The following MSR1 variants were observed in gnomAD, a reference collection of about 807,000 sequenced individuals.
MSR1 encodes the protein macrophage scavenger receptor 1, also known as macrophage scavenger receptor types I and II.
Under a neutral mutation model 47.2 loss-of-function variants are expected in MSR1, and 53 were observed. The observed-to-expected ratio is 1.12, with a 90% CI of 0.90 to 1.41. The LOEUF is 1.41. MSR1 is among the 40% of genes most tolerant of loss of function. The probability of loss-of-function intolerance (pLI) is 0.00; values close to 1 mark genes in which losing one functional copy is unlikely to be tolerated. For synonymous variants in MSR1, 239 were observed against 185.6 expected (o/e 1.29, Z -2.34); for missense variants, 786 against 546.9 (o/e 1.44, Z -4.36).
intron 2 of MSR1, among the ~76,000 whole-genome samples, chr8:16,176,551 G>T (rs73530334): frequency 1.2e-3 from 175 of 150,010 alleles, no homozygotes; most frequent in Middle Eastern, 3.4e-3. Flanking sequence ...GGAAAGGAAA[G>T]AAAAGATGGA....
In MSR1 at chr8:16,139,747, TAAAAAAAAAAAAAAAAAAAAA is replaced by T. The variant is rs1162319738; in HGVS notation, c.1033+3790_1033+3810del. The T allele has an allele frequency of 2.4e-3, 347 of 146,604 alleles. 3 individuals are homozygous for T. The highest frequency in any genetic ancestry group is 6.7e-3 in the South Asian group (18 of 2,696). The allele number at this position is 146,604 out of a possible 1,614,324, so 9.1% of individuals were successfully genotyped here. A position where few individuals can be genotyped will look rare whatever the true frequency, so the allele number is the denominator to read the frequency against. On this transcript the variant is annotated intron_variant, in intron 8 of 9. Transcript: ENST00000262101. ...CCAAGCTCGACTACACTTCAAAACTTAAAAAAAAAAAAAAAAAAAAAAAAAAAATATATATATATATATATA... is the reference window on the plus strand; with the variant it reads ...CCAAGCTCGACTACACTTCAAAACTTAAAAAAATATATATATATATATATA...
At chr8:16,179,577 C>A (rs955025904) in intron 1 of MSR1, among the ~76,000 whole-genome samples, 2 of 151,548 alleles carry the variant, frequency 1.3e-5, no homozygotes, top group South Asian at 2.1e-4. Context: ...TTTCCTGGAT[C>A]TTTTAAGAAA....
At chr8:16,123,222 T>C (rs570785864) in intron 8 of MSR1, among the ~76,000 whole-genome samples, 1 of 152,266 alleles carries the variant, frequency 6.6e-6, no homozygotes, top group Admixed American at 6.5e-5. Context: ...TTTTCAGTTA[T>C]AAATAAACTA....
intron 9 of MSR1, among the ~76,000 whole-genome samples, chr8:16,112,201 C>T (rs74537800): frequency 1.3e-5 from 2 of 152,266 alleles, no homozygotes; most frequent in African/African-American, 4.8e-5. Flanking sequence ...CTATGTGGAA[C>T]AGTTTCAGAC....
chr8:16,147,225 C>T (rs1800724347), intron 7 of MSR1, among the ~76,000 whole-genome samples: 1 of 152,166 alleles, frequency 6.6e-6, no homozygotes, highest in Non-Finnish European at 1.5e-5. Context: ...TATAGATCTG[C>T]TATGCATGGA....
At chr8:16,120,938 C>T in intron 8 of MSR1, 3 of 345,922 alleles carry the variant, frequency 8.7e-6, no homozygotes, top group South Asian at 5.7e-5. Context: ...TTTTTCATAC[C>T]ATTGAAAAAT....
chr8:16,146,500 C>T (rs1462841078), intron 7 of MSR1, among the ~76,000 whole-genome samples: 6 of 152,046 alleles, frequency 3.9e-5, no homozygotes, highest in South Asian at 2.1e-4. Context: ...TTCCCTTCTC[C>T]GCATACCCTA....
chr8:16,164,026 AT>A, intron 5 of MSR1, 38 bp downstream of exon 5: 1 of 1,463,378 alleles, frequency 6.8e-7, no homozygotes. Flanking sequence ...ATATTTTAAT[AT>A]ATATATCATT....
intron 3 of MSR1, among the ~76,000 whole-genome samples, chr8:16,174,383 A>C (rs954655164): frequency 6.6e-6 from 1 of 152,300 alleles, no homozygotes; most frequent in Non-Finnish European, 1.5e-5. Context: ...AAGGCATATA[A>C]ATTCAAATGC....
intron 8 of MSR1, among the ~76,000 whole-genome samples, chr8:16,126,761 A>T (rs555660059): frequency 6.6e-6 from 1 of 152,282 alleles, no homozygotes; most frequent in Non-Finnish European, 1.5e-5. Flanking sequence ...TTCACCACGT[A>T]GCCTAGGCTG....
At chr8:16,156,553 T>A (rs1024124009) in intron 5 of MSR1, among the ~76,000 whole-genome samples, 1 of 151,856 alleles carries the variant, frequency 6.6e-6, no homozygotes, top group African/African-American at 2.4e-5. Flanking sequence ...ATATGCAACA[T>A]TGGACACACA....
intron 8 of MSR1, among the ~76,000 whole-genome samples, chr8:16,143,154 T>A (rs139086466): frequency 6.6e-6 from 1 of 152,114 alleles, no homozygotes; most frequent in Non-Finnish European, 1.5e-5. Flanking sequence ...AGACATCAGA[T>A]AGTTAATTTT....
intron 8 of MSR1, chr8:16,140,621 A>G: frequency 9.0e-7 from 1 of 1,115,078 alleles, no homozygotes; most frequent in Admixed American, 4.6e-5. Context: ...AGTTAGGGTG[A>G]GAACACAGCA....
At chr8:16,132,760 T>A (rs1166771138) in intron 8 of MSR1, among the ~76,000 whole-genome samples, 3 of 152,086 alleles carry the variant, frequency 2.0e-5, no homozygotes, top group Non-Finnish European at 4.4e-5. Context: ...AGATGCCCTA[T>A]ATTTCCTTAT....
At chr8:16,112,834 TTCTCTC>T (rs994455990) in intron 9 of MSR1, among the ~76,000 whole-genome samples, 1 of 151,542 alleles carries the variant, frequency 6.6e-6, no homozygotes, top group African/African-American at 2.4e-5. Context: ...CTTCCTCTCT[TTCTCTC>T]TCTCTCATCT....
At chr8:16,135,006 A>G (rs973521425) in intron 8 of MSR1, among the ~76,000 whole-genome samples, 1 of 152,288 alleles carries the variant, frequency 6.6e-6, no homozygotes, top group South Asian at 2.1e-4. Context: ...AGGTTGGTTC[A>G]TAAGGTTTAA....
chr8:16,140,527 T>C (rs1800527024), intron 8 of MSR1: 9 of 996,598 alleles, frequency 9.0e-6, no homozygotes, highest in African/African-American at 1.7e-5. Flanking sequence ...ATATTGGTAA[T>C]TGAGATATTT....
chr8:16,142,134 G>T, intron 8 of MSR1, among the ~76,000 whole-genome samples: 1 of 152,148 alleles, frequency 6.6e-6, no homozygotes, highest in Non-Finnish European at 1.5e-5. Context: ...ATCGAGACCA[G>T]CCTGGTCAAA....
intron 1 of MSR1, among the ~76,000 whole-genome samples, chr8:16,190,636 C>T (rs1278240314): frequency 1.3e-5 from 2 of 151,968 alleles, no homozygotes; most frequent in African/African-American, 2.4e-5. Flanking sequence ...ACATATTTAC[C>T]ATCTGTCTTT....
Sources: gnomAD v4.1 joint callset for allele counts (sites outside exome capture counted in the v4.1 genomes callset) on GRCh38, gnomAD v4.1.1 for gene constraint, MANE v1.5 for transcripts, NCBI Gene and HGNC (gene_info 2026-07-23, HGNC 2026-07-21) for gene names.